RALYL: variants seen among roughly 807,000 people sequenced by gnomAD.
The protein encoded by RALYL is RALY RNA binding protein like.
A neutral mutation model predicts 35.1 loss-of-function variants in RALYL; 29 were observed. The ratio of observed to expected loss-of-function variants is 0.83; its 90% CI spans 0.61 to 1.13. RALYL has a LOEUF of 1.13. Ranked by LOEUF, RALYL falls within the 50% of genes most tolerant of loss-of-function variation. The pLI, the probability that RALYL is intolerant of heterozygous loss-of-function variation, is 0.00. For missense variants in RALYL, 359 were observed against 360.4 expected, an observed-to-expected ratio of 1.00 and a Z score of 0.03; for synonymous variants, 120 against 127.6, an observed-to-expected ratio of 0.94 and a Z score of 0.40.
rs116859097 is a variant in RALYL at position 84,478,080 on chromosome 8, G to T, written c.-23-51219G>T. On this transcript the variant is annotated intron_variant, in intron 1 of 8. Coordinates refer to ENST00000521268, the MANE Select transcript of RALYL (RefSeq NM_173848.7). ...AGACTCCTGTCTCATTTCTTCAAGC[G>T]TGAAGTCTCAGTAAAAGATTGTCAA... Among the ~76,000 whole-genome samples the T allele has an allele frequency of 1.3e-4, 19 of 151,974 alleles. No individual in the cohort carries two copies. In the East Asian group the frequency reaches 3.3e-3, roughly 26 times the overall value.
At chr8:84,708,996 A>G (rs1045501359) in intron 2 of RALYL, among the ~76,000 whole-genome samples, 1 of 152,132 alleles carries the variant, frequency 6.6e-6, no homozygotes, top group Non-Finnish European at 1.5e-5. Context: ...CAGATCATGT[A>G]TTTTTTATTC....
At chr8:84,692,319 T>A (rs927330009) in intron 2 of RALYL, among the ~76,000 whole-genome samples, 4 of 151,980 alleles carry the variant, frequency 2.6e-5, no homozygotes, top group African/African-American at 9.7e-5. Flanking sequence ...GACTGCTCAG[T>A]TAGAATTAGT....
intron 2 of RALYL, among the ~76,000 whole-genome samples, chr8:84,631,566 A>G (rs1823911037): frequency 6.6e-6 from 1 of 151,860 alleles, no homozygotes; most frequent in African/African-American, 2.4e-5. Context: ...TGTTTTCAAG[A>G]TGGTAGCTTC....
intron 8 of RALYL, among the ~76,000 whole-genome samples, chr8:84,915,452 A>G (rs528040111): frequency 7.2e-5 from 11 of 151,926 alleles, no homozygotes; most frequent in Non-Finnish European, 1.3e-4. Flanking sequence ...TGATCGTCAT[A>G]CTCTCTAGAT....
In RALYL at chr8:84,553,525, T is replaced by G. The variant is rs553880951; in HGVS notation, c.256+23948T>G. On this transcript the variant is annotated intron_variant, in intron 2 of 8. Coordinates refer to ENST00000521268, the MANE Select transcript of RALYL (RefSeq NM_173848.7). ...GCATGTACTGGTGCTGAGGAAATTG[T>G]TTCTTGCAGGTTCCATCTGCCAGCC... 7.9e-5 allele frequency among the ~76,000 whole-genome samples: 12 copies of G among 152,302 alleles called. No homozygotes were observed. In the East Asian group the frequency reaches 2.3e-3, roughly 29 times the overall value.
chr8:84,211,537 C>T (rs1477035263), intron 1 of RALYL, among the ~76,000 whole-genome samples: 1 of 152,114 alleles, frequency 6.6e-6, no homozygotes, highest in African/African-American at 2.4e-5. Flanking sequence ...GATTAGATTA[C>T]AATGTCAATG....
At chr8:84,416,976 C>T (rs902116474) in intron 1 of RALYL, among the ~76,000 whole-genome samples, 2 of 152,056 alleles carry the variant, frequency 1.3e-5, no homozygotes, top group African/African-American at 2.4e-5. Flanking sequence ...TTTAACTTCT[C>T]TTATTTTCTT....
intron 1 of RALYL, among the ~76,000 whole-genome samples, chr8:84,464,125 A>T (rs2051190936): frequency 7.1e-6 from 1 of 140,088 alleles, no homozygotes; most frequent in Non-Finnish European, 1.5e-5. Flanking sequence ...AAAAACATTA[A>T]AACAAGTTTT....
chr8:84,799,208 C>G (rs1822618286), intron 3 of RALYL, among the ~76,000 whole-genome samples: 1 of 151,888 alleles, frequency 6.6e-6, no homozygotes, highest in African/African-American at 2.4e-5. Flanking sequence ...TTAGGGGGAG[C>G]TTGGCAATTA....
At chr8:84,485,327 G>A (rs533225045) in intron 1 of RALYL, among the ~76,000 whole-genome samples, 12 of 152,202 alleles carry the variant, frequency 7.9e-5, no homozygotes, top group East Asian at 7.7e-4. Flanking sequence ...GGTGGCTCAC[G>A]CCTTTAATCC....
intron 1 of RALYL, among the ~76,000 whole-genome samples, chr8:84,426,812 G>A (rs114825376): frequency 0.017 from 2,604 of 152,246 alleles, 74 homozygotes; most frequent in African/African-American, 0.059. Context: ...GATAAGGAAT[G>A]TTGAAAAGGA....
intron 2 of RALYL, among the ~76,000 whole-genome samples, chr8:84,758,354 C>T (rs1811919007): frequency 6.6e-6 from 1 of 152,154 alleles, no homozygotes; most frequent in South Asian, 2.1e-4. Flanking sequence ...AGAGTAATTG[C>T]ATGAGTTATC....
chr8:84,748,374 T>C (rs1372516873), intron 2 of RALYL, among the ~76,000 whole-genome samples: 1 of 151,984 alleles, frequency 6.6e-6, no homozygotes, highest in African/African-American at 2.4e-5. Context: ...ATGGATAAGA[T>C]AGGAGAGTAG....
chr8:84,805,540 T>C (rs1232859241), intron 4 of RALYL, among the ~76,000 whole-genome samples: 2 of 151,896 alleles, frequency 1.3e-5, no homozygotes, highest in African/African-American at 4.8e-5. Context: ...AAAAATTAGC[T>C]GGGCATGGTG....
At chr8:84,363,065 C>T (rs981460828) in intron 1 of RALYL, among the ~76,000 whole-genome samples, 7 of 152,068 alleles carry the variant, frequency 4.6e-5, no homozygotes, top group Non-Finnish European at 8.8e-5. Context: ...GCTGTCACCA[C>T]GCTTTTGGTG....
intron 3 of RALYL, among the ~76,000 whole-genome samples, chr8:84,789,855 A>C (rs1325565847): frequency 6.6e-6 from 1 of 152,232 alleles, no homozygotes; most frequent in African/African-American, 2.4e-5. Flanking sequence ...GTTTCAAAAA[A>C]GAAAAAGAAT....
intron 1 of RALYL, among the ~76,000 whole-genome samples, chr8:84,348,833 G>A (rs566595363): frequency 1.4e-5 from 2 of 139,378 alleles, no homozygotes; most frequent in African/African-American, 5.7e-5. Context: ...ATCATAAGAT[G>A]CATGGAAAGT....
At position 84,193,157 on chromosome 8, in the gene RALYL, C is replaced by CA. The variant is rs554966726; in HGVS notation, c.-24+8741dup. 1.6e-4 allele frequency among the ~76,000 whole-genome samples: 24 copies of CA among 150,410 alleles called. No individual in the cohort carries two copies. In the South Asian group the frequency reaches 4.4e-3, roughly 28 times the overall value. On this transcript the variant is annotated intron_variant, in intron 1 of 8. Coordinates refer to ENST00000521268, the MANE Select transcript of RALYL (RefSeq NM_173848.7). ...ATCTGGGATCTTGAAGATATGGAGA[C>CA]AAAAAAAATGAAGTTTAATGTTAAA...
At chr8:84,190,980 G>A (rs1490471766) in intron 1 of RALYL, among the ~76,000 whole-genome samples, 2 of 151,772 alleles carry the variant, frequency 1.3e-5, no homozygotes, top group Non-Finnish European at 2.9e-5. Context: ...GTGTGTGTAT[G>A]TAAGTATTGT....
Sources: gnomAD v4.1 joint callset for allele counts (sites outside exome capture counted in the v4.1 genomes callset) on GRCh38, gnomAD v4.1.1 for gene constraint, MANE v1.5 for transcripts, NCBI Gene and HGNC (gene_info 2026-07-23, HGNC 2026-07-21) for gene names.